The following KCNAB1 variants were observed in gnomAD, a reference collection of about 807,000 sequenced individuals.
KCNAB1 encodes potassium voltage-gated channel subfamily A regulatory beta subunit 1.
In KCNAB1, 35 loss-of-function variants were observed where a neutral mutation model predicts 64.6. That is an observed-to-expected ratio of 0.54 (90% confidence interval 0.41 to 0.72). The LOEUF (loss-of-function observed/expected upper bound fraction) is 0.72, where lower values mean the gene tolerates loss of function less well. Ranked by LOEUF, KCNAB1 falls within the 30% of genes least tolerant of loss-of-function variation. The pLI, the probability that KCNAB1 is intolerant of heterozygous loss-of-function variation, is 0.00. For synonymous variants in KCNAB1, 177 were observed against 183.8 expected (o/e 0.96, Z 0.30); for missense variants, 401 against 512.9 (o/e 0.78, Z 2.11).
intron 1 of KCNAB1, among the ~76,000 whole-genome samples, chr3:156,353,968 A>G (rs866753177): frequency 4.6e-5 from 7 of 151,756 alleles, no homozygotes; most frequent in African/African-American, 7.3e-5. Context: ...ATTAATGAAT[A>G]TCAGGACATG....
chr3:156,379,481 C>T (rs1374804690), intron 1 of KCNAB1, among the ~76,000 whole-genome samples: 1 of 152,108 alleles, frequency 6.6e-6, no homozygotes, highest in African/African-American at 2.4e-5. Flanking sequence ...GAAGGTGACA[C>T]ATGAGCTGGA....
intron 1 of KCNAB1, chr3:156,176,776 GC>G: frequency 1.1e-6 from 1 of 885,182 alleles, no homozygotes; most frequent in Non-Finnish European, 1.9e-6. Flanking sequence ...CCTGCTTGCA[GC>G]AAAGCTCCTG....
chr3:156,192,445 C>T (rs976603635), intron 1 of KCNAB1, among the ~76,000 whole-genome samples: 10 of 152,126 alleles, frequency 6.6e-5, no homozygotes, highest in South Asian at 6.2e-4. Context: ...GTTCCTTAAA[C>T]ACTTGAAAAT....
At chr3:156,328,692 C>T (rs1000611124) in intron 1 of KCNAB1, among the ~76,000 whole-genome samples, 1 of 152,198 alleles carries the variant, frequency 6.6e-6, no homozygotes, top group African/African-American at 2.4e-5. Context: ...GTTGCATCTT[C>T]TGATCTCTGT....
intron 1 of KCNAB1, among the ~76,000 whole-genome samples, chr3:156,222,307 A>T (rs1715827999): frequency 6.6e-6 from 1 of 152,244 alleles, no homozygotes; most frequent in Admixed American, 6.5e-5. Context: ...ACAAACTTTA[A>T]AGCAACATCA....
intron 4 of KCNAB1, among the ~76,000 whole-genome samples, chr3:156,459,011 C>T (rs886148831): frequency 5.3e-5 from 8 of 152,228 alleles, no homozygotes; most frequent in Non-Finnish European, 1.2e-4. Context: ...CTAACAAAGA[C>T]AGAACTCTCA....
At chr3:156,352,189 A>T (rs1166836341) in intron 1 of KCNAB1, among the ~76,000 whole-genome samples, 2 of 152,112 alleles carry the variant, frequency 1.3e-5, no homozygotes, top group Non-Finnish European at 1.5e-5. Context: ...ACCTGCCAAC[A>T]ACCCGTCTCC....
In KCNAB1 at chr3:156,429,493, G is replaced by A. The variant is rs183653520; in HGVS notation, c.319+7834G>A. On this transcript the variant is annotated intron_variant, in intron 2 of 13. Transcript: ENST00000490337. ...TCCCTAACCAAGAGAACTTTCTAGA[G>A]CAAAAGCAGTGAATCTTAAGAATAA... Among the ~76,000 whole-genome samples, 145 of 152,292 alleles carry A rather than the reference G, an allele frequency of 9.5e-4. 1 individual carries two copies. The highest frequency in any genetic ancestry group is 3.4e-3 in the African/African-American group (143 of 41,566).
intron 1 of KCNAB1, among the ~76,000 whole-genome samples, chr3:156,348,238 T>G (rs1010514190): frequency 6.6e-6 from 1 of 151,944 alleles, no homozygotes; most frequent in Non-Finnish European, 1.5e-5. Context: ...AAAGAGTGAG[T>G]GGAAGAACAT....
chr3:156,314,251 A>G (rs1722127167), intron 1 of KCNAB1, among the ~76,000 whole-genome samples: 1 of 151,136 alleles, frequency 6.6e-6, no homozygotes, highest in Non-Finnish European at 1.5e-5. Context: ...TAGTACATGT[A>G]TTTGGTATGT....
intron 1 of KCNAB1, among the ~76,000 whole-genome samples, chr3:156,309,594 C>T (rs182033559): frequency 3.3e-4 from 51 of 152,248 alleles, no homozygotes; most frequent in Middle Eastern, 6.8e-3. Context: ...CTTAATGAGT[C>T]GAGAACAATG....
chr3:156,223,813 A>G (rs2108420364), intron 1 of KCNAB1, among the ~76,000 whole-genome samples: 1 of 152,338 alleles, frequency 6.6e-6, no homozygotes, highest in Non-Finnish European at 1.5e-5. Context: ...AAGGTTCTCC[A>G]AGTCCCCACC....
chr3:156,306,705 C>T (rs556038753), intron 1 of KCNAB1, among the ~76,000 whole-genome samples: 139 of 152,308 alleles, frequency 9.1e-4, no homozygotes, highest in African/African-American at 3.0e-3. Flanking sequence ...GTCCAAGGCA[C>T]GTGATGGCCC....
intron 1 of KCNAB1, among the ~76,000 whole-genome samples, chr3:156,369,371 G>T (rs1027936635): frequency 6.6e-6 from 1 of 152,094 alleles, no homozygotes; most frequent in African/African-American, 2.4e-5. Flanking sequence ...TTTCCAGTTT[G>T]GGGTTATTAT....
Position 156,348,845 on chromosome 3 carries a change from A to G in KCNAB1, c.276-72771A>G, listed in dbSNP as rs79723499. ...ATCTTTGATGGTTCTCTCCATTCCC[A>G]AAAGCTCAGCTGAATAATTAGTATT... On this transcript the variant is annotated intron_variant, in intron 1 of 13. Coordinates refer to ENST00000490337, the MANE Select transcript of KCNAB1 (RefSeq NM_172160.3). 2.3e-3 allele frequency among the ~76,000 whole-genome samples: 347 copies of G among 152,324 alleles called. 3 individuals are homozygous for G. The highest frequency in any genetic ancestry group is 0.016 in the East Asian group (85 of 5,182).
intron 2 of KCNAB1, among the ~76,000 whole-genome samples, chr3:156,430,211 G>C (rs186924363): frequency 6.6e-6 from 1 of 152,332 alleles, no homozygotes; most frequent in African/African-American, 2.4e-5. Flanking sequence ...GCTTAGGTAG[G>C]AGTGTGGCAA....
chr3:156,493,385 A>C (rs1438430693), intron 8 of KCNAB1, among the ~76,000 whole-genome samples: 1 of 152,094 alleles, frequency 6.6e-6, no homozygotes, highest in African/African-American at 2.4e-5. Flanking sequence ...CTTCACTGAA[A>C]TTATATTATC....
At chr3:156,413,065 C>G (rs937095530) in intron 1 of KCNAB1, among the ~76,000 whole-genome samples, 19 of 152,170 alleles carry the variant, frequency 1.2e-4, no homozygotes, top group African/African-American at 4.6e-4. Context: ...AGGATTCTCC[C>G]TTTCACCCTA....
chr3:156,186,583 C>A (rs1207757729), intron 1 of KCNAB1, among the ~76,000 whole-genome samples: 1 of 152,128 alleles, frequency 6.6e-6, no homozygotes, highest in Admixed American at 6.5e-5. Context: ...GTACTCTCTC[C>A]CAGTAGCTGC....
Sources: allele counts gnomAD v4.1 joint callset (sites outside exome capture counted in the v4.1 genomes callset), GRCh38; gene constraint gnomAD v4.1.1; transcripts MANE v1.5; gene names NCBI Gene and HGNC (gene_info 2026-07-23, HGNC 2026-07-21).